WDR3: variants seen among roughly 807,000 people sequenced by gnomAD.
The protein encoded by WDR3 is WD repeat domain 3, also known as WD repeat-containing protein 3.
In WDR3, 81 loss-of-function variants were observed where a neutral mutation model predicts 123.7. The ratio of observed to expected loss-of-function variants is 0.65; its 90% CI spans 0.55 to 0.79. The LOEUF (loss-of-function observed/expected upper bound fraction) is 0.79. Ranked by LOEUF, WDR3 falls within the 30% of genes least tolerant of loss-of-function variation. The probability of loss-of-function intolerance (pLI) is 0.00; values close to 1 mark genes in which losing one functional copy is unlikely to be tolerated. For synonymous variants in WDR3, 390 were observed against 388.8 expected, an observed-to-expected ratio of 1.00 and a Z score of -0.04; for missense variants, 1,027 against 1,123.2, an observed-to-expected ratio of 0.91 and a Z score of 1.22.
Position 117,957,175 on chromosome 1 carries a change from G to T in WDR3, c.2561G>T (p.Arg854Leu), listed in dbSNP as rs3736795. 3 of 1,610,736 alleles carry T rather than the reference G, an allele frequency of 1.9e-6. No homozygotes were observed. Among genetic ancestry groups the T allele is most frequent in the Non-Finnish European group, 2.5e-6 (3 of 1,178,722 alleles). Residue 854 changes from arginine to leucine, a missense_variant, in exon 25 of 27, where the codon CGG (arginine) becomes CTG (leucine). Transcript: ENST00000349139. ...GGCTCTGATGTTGAACTTATATGCC[G>T]GTGCCTCTTCTTCCTCCTTAGGTAA... Reference protein sequence around the residue: ...QLGSDVELICRCLFFLLRIHF... With the variant: ...QLGSDVELICLCLFFLLRIHF...
Position 117,952,353 on chromosome 1 carries a change from A to T in WDR3, c.1961A>T (p.Asp654Val). The T allele has an allele frequency of 6.2e-7, 1 of 1,613,514 alleles. No individual in the cohort carries two copies. ...KSHLFFTAGK[D>V]HKIKQWDADK... is the part of the protein sequence containing the mutation. ...CACCTCTTCTTCACTGCCGGAAAAG[A>T]TCATAAGATTAAACAGTGGGATGCA... The change falls in exon 18 of 27, where the codon GAT becomes GTT. Residue 654 changes from aspartate to valine, a missense_variant. Transcript: ENST00000349139.
Position 117,952,308 on chromosome 1 carries a change from T to C in WDR3, c.1916T>C (p.Leu639Pro). The C allele has an allele frequency of 1.2e-6, 2 of 1,611,432 alleles. No homozygotes were observed. Among genetic ancestry groups the C allele is most frequent in the Non-Finnish European group, 1.7e-6 (2 of 1,178,706 alleles). Reference sequence around the variant, plus strand: ...CTGTCACTTTTCAGTGTGATGTACCTACAGTTTGTACCCAAGTCTCACCTC... The same window carrying C: ...CTGTCACTTTTCAGTGTGATGTACCCACAGTTTGTACCCAAGTCTCACCTC... Reference protein sequence around the residue: ...LFAHDDSVMYLQFVPKSHLFF... With the variant: ...LFAHDDSVMYPQFVPKSHLFF... Residue 639 changes from leucine (L) to proline (P), a missense_variant, in exon 18 of 27, where the codon CTA becomes CCA. Physicochemically the swap from Leu to Pro is moderately conservative, Grantham distance 98. Transcript: ENST00000349139.
At position 117,958,903 on chromosome 1, in the gene WDR3, C is replaced by G. The variant is rs377441249; in HGVS notation, c.2583-7C>G. 3.2e-5 allele frequency: 51 copies of G among 1,609,426 alleles called. No homozygotes were observed. In the African/African-American group the frequency reaches 6.2e-4, roughly 20 times the overall value. The stretch of plus-strand genomic sequence containing the variant: ...TGCAACATGGCTGTGTTTTGTTTTT[C>G]TATCAGGATTCACTTTGGACAGATC... On this transcript the variant is annotated splice_polypyrimidine_tract_variant and splice_region_variant and intron_variant, in intron 25 of 26. Transcript: ENST00000349139.
rs1651181798 is a variant in WDR3 at position 117,941,771 on chromosome 1, T to C, written c.913T>C (p.Leu305=). 6.2e-7 allele frequency: 1 copy of C among 1,611,462 alleles called. No homozygotes were observed. ...CTAGGGAACTGACTCTGTGCTAGAA[T>C]TGTTTTGTATCCTTTCCAAAAAGGA... is the stretch of plus-strand genomic sequence containing the variant. ...ACHGTDSVLE[L]FCILSKKEIQ... Residue 305 remains leucine (L), a synonymous_variant, in exon 9 of 27, where the codon TTG becomes CTG. Coordinates refer to ENST00000349139, the MANE Select transcript of WDR3 (RefSeq NM_006784.3).
At position 117,953,473 on chromosome 1, in the gene WDR3, C is replaced by A. The variant is rs183124043; in HGVS notation, c.2203-3C>A. 8.1e-6 allele frequency: 13 copies of A among 1,612,426 alleles called. No individual in the cohort carries two copies. In the Admixed American group the frequency reaches 2.2e-4, roughly 27 times the overall value. ...TATTCAAGGATTTCTTTGTTTCTGG[C>A]AGGTTCCAGGAGAGACTCAAGGTGA... is the stretch of plus-strand genomic sequence containing the variant. On this transcript the variant is annotated splice_polypyrimidine_tract_variant and splice_region_variant and intron_variant, in intron 20 of 26. Coordinates refer to ENST00000349139, the MANE Select transcript of WDR3 (RefSeq NM_006784.3).
At chr1:117,951,199 T>C (rs1483202324) in intron 16 of WDR3, among the ~76,000 whole-genome samples, 1 of 152,084 alleles carries the variant, frequency 6.6e-6, no homozygotes, top group African/African-American at 2.4e-5. Context: ...CACTAAAATA[T>C]GAAAGACTTT....
chr1:117,942,324 C>CG, intron 9 of WDR3, 113 bp from the exon 10 acceptor site: 1 of 839,912 alleles, frequency 1.2e-6, no homozygotes, highest in Non-Finnish European at 2.0e-6. Context: ...GGTTAAGTGA[C>CG]TTTTCCAGAA....
intron 1 of WDR3, 40 bp downstream of exon 1, chr1:117,929,822 T>C (rs953344623): frequency 6.6e-6 from 1 of 152,394 alleles, no homozygotes; most frequent in Non-Finnish European, 1.5e-5. Context: ...GAGAGCATTA[T>C]CTGCGGCTCC....
At position 117,957,158 on chromosome 1, in the gene WDR3, T is replaced by C; in HGVS notation, c.2544T>C (p.Asp848=). 1 of 1,612,712 alleles carries C rather than the reference T, an allele frequency of 6.2e-7. No individual in the cohort carries two copies. The highest frequency in any genetic ancestry group is 8.5e-7 in the Non-Finnish European group (1 of 1,179,530). Residue 848 remains aspartate (D), a synonymous_variant, in exon 25 of 27, where the codon GAT becomes GAC. Transcript: ENST00000349139. The stretch of plus-strand genomic sequence containing the variant: ...ACGAATTCATTCAGCTGGGCTCTGA[T>C]GTTGAACTTATATGCCGGTGCCTCT... The part of the protein sequence containing the change: ...LFNEFIQLGS[D]VELICRCLFF...
At chr1:117,946,694 C>G (rs1348629041) in intron 12 of WDR3, among the ~76,000 whole-genome samples, 5 of 152,018 alleles carry the variant, frequency 3.3e-5, no homozygotes, top group African/African-American at 1.2e-4. Context: ...GTAATCCCAG[C>G]ACTTTGGGAG....
chr1:117,949,609 G>A, intron 13 of WDR3, 142 bp from the exon 14 acceptor site: 1 of 851,166 alleles, frequency 1.2e-6, no homozygotes. Context: ...ATCAGTGAAA[G>A]GGGCTAGGGA....
chr1:117,945,165 C>T (rs1220830765), intron 11 of WDR3, among the ~76,000 whole-genome samples: 1 of 152,168 alleles, frequency 6.6e-6, no homozygotes, highest in Non-Finnish European at 1.5e-5. Flanking sequence ...GACTGGTGTC[C>T]CTGCTTTCTT....
chr1:117,935,252 CAT>C (rs1487849140), intron 3 of WDR3, among the ~76,000 whole-genome samples: 4 of 152,004 alleles, frequency 2.6e-5, no homozygotes, highest in African/African-American at 4.8e-5. Context: ...TATGTTTAGA[CAT>C]ATGTTTATAT....
chr1:117,941,321 CTCATGTTAA>C, intron 8 of WDR3, 96 bp downstream of exon 8: 2 of 1,223,402 alleles, frequency 1.6e-6, no homozygotes, highest in Non-Finnish European at 2.3e-6. Context: ...TTTTTCTTGA[CTCATGTTAA>C]TAATTCATTA....
At chr1:117,931,910 ATTTT>A (rs1375935559) in intron 1 of WDR3, among the ~76,000 whole-genome samples, 1 of 152,072 alleles carries the variant, frequency 6.6e-6, no homozygotes, top group African/African-American at 2.4e-5. Flanking sequence ...TTGAGATTGA[ATTTT>A]TTTTGTGTTA....
At chr1:117,948,531 C>G (rs372709052) in intron 13 of WDR3, 25 bp downstream of exon 13, 123 of 1,592,318 alleles carry the variant, frequency 7.7e-5, no homozygotes, top group Non-Finnish European at 1.9e-5. Flanking sequence ...TTTTAAAGCC[C>G]TGGAGTTCAG....
chr1:117,958,976 A>G lies in WDR3; in HGVS notation c.2649A>G (p.Thr883=). 6.2e-7 allele frequency: 1 copy of G among 1,614,068 alleles called. No individual in the cohort carries two copies. The highest frequency in any genetic ancestry group is 8.5e-7 in the Non-Finnish European group (1 of 1,179,948). ...LVPVIEKLRE[T]TISKVSQVRD... ...CAGTGATAGAAAAATTAAGGGAAAC[A>G]ACTATTTCAAAAGTCAGCCAAGTCC... Residue 883 remains threonine, a synonymous_variant, in exon 26 of 27, where the codon ACA becomes ACG. Coordinates refer to ENST00000349139, the MANE Select transcript of WDR3 (RefSeq NM_006784.3).
intron 1 of WDR3, among the ~76,000 whole-genome samples, chr1:117,932,375 A>G (rs770153695): frequency 2.6e-5 from 4 of 152,248 alleles, no homozygotes; most frequent in Non-Finnish European, 4.4e-5. Flanking sequence ...CTTGTTAGAA[A>G]TGAAAAATTC....
rs1485425164 is a variant in WDR3 at position 117,962,072 on chromosome 1, T to C, written c.*2625T>C. ...AGATGTATACATCATCAATAATTACTCTTATGTTAAAAGTTGCTGTTTTCC... is the reference window on the plus strand; with the variant it reads ...AGATGTATACATCATCAATAATTACCCTTATGTTAAAAGTTGCTGTTTTCC... On this transcript the variant is annotated 3_prime_UTR_variant, in exon 27 of 27. Coordinates refer to ENST00000349139, the MANE Select transcript of WDR3 (RefSeq NM_006784.3). The C allele has an allele frequency of 6.6e-6, 1 of 151,820 alleles. No homozygotes were observed. Among genetic ancestry groups the C allele is most frequent in the Non-Finnish European group, 1.5e-5 (1 of 67,984 alleles). 9.4% of individuals were successfully genotyped at this position (151,820 alleles called of 1,614,324 possible).
Sources: gnomAD v4.1 joint callset for allele counts (sites outside exome capture counted in the v4.1 genomes callset) on GRCh38, gnomAD v4.1.1 for gene constraint, MANE v1.5 for transcripts, NCBI Gene and HGNC (gene_info 2026-07-23, HGNC 2026-07-21) for gene names.